The following TTC27 variants were observed in gnomAD, a reference collection of about 807,000 sequenced individuals.
TTC27 encodes tetratricopeptide repeat protein 27.
A neutral mutation model predicts 115.9 loss-of-function variants in TTC27; 79 were observed. The observed-to-expected ratio is 0.68, with a 90% confidence interval of 0.57 to 0.82. TTC27 has a LOEUF of 0.82. TTC27 is among the 40% of genes least tolerant of loss of function. The pLI is 0.00. For missense variants in TTC27, 1,054 were observed against 993.1 expected, an observed-to-expected ratio of 1.06 and a Z score of -0.82; for synonymous variants, 401 against 356.0, an observed-to-expected ratio of 1.13 and a Z score of -1.42.
intron 16 of TTC27, among the ~76,000 whole-genome samples, chr2:32,789,012 G>C (rs1486373433): frequency 6.6e-6 from 1 of 152,172 alleles, no homozygotes; most frequent in Non-Finnish European, 1.5e-5. Context: ...CACCTCAGCT[G>C]TGGGGGATAG....
In TTC27 at chr2:32,820,878, TA is replaced by T; in HGVS notation, c.2473del (p.Met825TrpfsTer4). ...GGGAATTAGCTGATGACATAACAGCTATGGACACCTTAGTGACAGAGCTCCA... is the reference window on the plus strand; with the variant it reads ...GGGAATTAGCTGATGACATAACAGCTTGGACACCTTAGTGACAGAGCTCCA... Reference protein sequence around the residue: ...SRELADDITAMDTLVTELQDL... With the variant: ...SRELADDITAXDTLVTELQDL... On this transcript the variant is annotated frameshift_variant, in exon 20 of 20. Coordinates refer to ENST00000317907, the MANE Select transcript of TTC27 (RefSeq NM_017735.5). LOFTEE classifies it high-confidence loss of function. 6.5e-7 allele frequency: 1 copy of T among 1,543,932 alleles called. No homozygotes were observed. The highest frequency in any genetic ancestry group is 8.8e-7 in the Non-Finnish European group (1 of 1,141,872).
At chr2:32,761,192 A>G (rs1326473244) in intron 13 of TTC27, among the ~76,000 whole-genome samples, 2 of 152,066 alleles carry the variant, frequency 1.3e-5, no homozygotes, top group Admixed American at 1.3e-4. Flanking sequence ...CCCTATAAAT[A>G]GCAACCCCAT....
At chr2:32,681,180 A>G (rs1362575974) in intron 9 of TTC27, among the ~76,000 whole-genome samples, 3 of 152,216 alleles carry the variant, frequency 2.0e-5, no homozygotes, top group African/African-American at 7.2e-5. Context: ...TCTTCTAAAG[A>G]GATGAGTTAA....
rs113013541 is a variant in TTC27, at chr2:32,730,169, A to T, written c.1234-3659A>T. On this transcript the variant is annotated intron_variant, in intron 10 of 19. Coordinates refer to ENST00000317907, the MANE Select transcript of TTC27 (RefSeq NM_017735.5). ...TATTTGGGCACATGGTTTGCTTCTA[A>T]TGAATGTACCTAATACTTGTGTTCG... Among the ~76,000 whole-genome samples the T allele has an allele frequency of 5.5e-3, 835 of 152,328 alleles. 15 individuals carry two copies. Among genetic ancestry groups the T allele is most frequent in the African/African-American group, 0.019 (807 of 41,576 alleles).
At position 32,704,524 on chromosome 2, in the gene TTC27, A is replaced by G. The variant is rs545143742; in HGVS notation, c.1233+1604A>G. 3.3e-5 allele frequency among the ~76,000 whole-genome samples: 5 copies of G among 152,250 alleles called. No homozygotes were observed. In the East Asian group the frequency reaches 9.7e-4, roughly 29 times the overall value. ...TTTATTTTATAAAAATTTCAAACCT[A>G]TGTAAAAGTCATAAGAACAGTACGA... On this transcript the variant is annotated intron_variant, in intron 10 of 19. Transcript: ENST00000317907.
At chr2:32,631,074 C>T (rs970907832) in intron 2 of TTC27, among the ~76,000 whole-genome samples, 38 of 152,068 alleles carry the variant, frequency 2.5e-4, no homozygotes, top group Non-Finnish European at 5.0e-4. Flanking sequence ...GAGGCCGAGG[C>T]GGGCGGATCA....
chr2:32,637,833 G>C (rs1312459065), intron 3 of TTC27, among the ~76,000 whole-genome samples: 1 of 152,120 alleles, frequency 6.6e-6, no homozygotes, highest in African/African-American at 2.4e-5. Flanking sequence ...CCTCCAGTTG[G>C]GGTTCTCACA....
chr2:32,666,154 TG>T (rs1344646848), intron 6 of TTC27, among the ~76,000 whole-genome samples: 3 of 152,080 alleles, frequency 2.0e-5, no homozygotes, highest in African/African-American at 7.2e-5. Context: ...AGAGACATAA[TG>T]AAAAAATTTT....
chr2:32,662,323 G>A (rs545880569), intron 5 of TTC27, among the ~76,000 whole-genome samples: 71 of 152,276 alleles, frequency 4.7e-4, no homozygotes, highest in Non-Finnish European at 8.7e-4. Flanking sequence ...CTATTGATTG[G>A]AATAGTTTCA....
intron 13 of TTC27, among the ~76,000 whole-genome samples, chr2:32,759,347 A>G (rs1366312285): frequency 6.6e-6 from 1 of 152,250 alleles, no homozygotes; most frequent in Non-Finnish European, 1.5e-5. Flanking sequence ...CAGGTAATTC[A>G]TTAAGCATTT....
intron 4 of TTC27, among the ~76,000 whole-genome samples, chr2:32,644,023 A>G (rs1664751554): frequency 6.6e-6 from 1 of 151,982 alleles, no homozygotes; most frequent in Admixed American, 6.6e-5. Flanking sequence ...TCTATTAAAA[A>G]TACAAAAGTT....
chr2:32,712,892 CTTTTA>C (rs1239363180), intron 10 of TTC27, among the ~76,000 whole-genome samples: 2 of 152,252 alleles, frequency 1.3e-5, no homozygotes, highest in African/African-American at 4.8e-5. Flanking sequence ...ACATCCTTTT[CTTTTA>C]TATGCTGTGG....
intron 10 of TTC27, among the ~76,000 whole-genome samples, chr2:32,722,490 CATT>C (rs1296431583): frequency 2.0e-5 from 3 of 152,080 alleles, no homozygotes; most frequent in Non-Finnish European, 2.9e-5. Context: ...AGGGAGGAGT[CATT>C]ATGTACATTT....
intron 3 of TTC27, among the ~76,000 whole-genome samples, chr2:32,639,321 G>T (rs1341676479): frequency 6.6e-6 from 1 of 152,106 alleles, no homozygotes; most frequent in African/African-American, 2.4e-5. Context: ...TTAAAATTCT[G>T]CCATCCAAAT....
In TTC27 at chr2:32,733,928, T is replaced by C; in HGVS notation, c.1329+5T>C. 4 of 1,601,826 alleles carry C rather than the reference T, an allele frequency of 2.5e-6. No individual in the cohort carries two copies. Among genetic ancestry groups the C allele is most frequent in the Non-Finnish European group, 3.4e-6 (4 of 1,171,500 alleles). On this transcript the variant is annotated splice_donor_5th_base_variant and intron_variant, in intron 11 of 19. Coordinates refer to ENST00000317907, the MANE Select transcript of TTC27 (RefSeq NM_017735.5). ...CCACCTCACTGGGCCATTCAGGTAT[T>C]TCTGTTGTTTGTCATTGGGTATGGA...
At chr2:32,808,773 G>A (rs532450490) in intron 16 of TTC27, among the ~76,000 whole-genome samples, 17 of 152,256 alleles carry the variant, frequency 1.1e-4, no homozygotes, top group African/African-American at 3.9e-4. Flanking sequence ...GCCAACTGTG[G>A]GATTCCAGAA....
intron 18 of TTC27, among the ~76,000 whole-genome samples, chr2:32,817,091 C>A (rs571421777): frequency 6.6e-6 from 1 of 151,982 alleles, no homozygotes; most frequent in African/African-American, 2.4e-5. Context: ...AGTAAATTAC[C>A]ATTCTTAAAG....
intron 8 of TTC27, among the ~76,000 whole-genome samples, chr2:32,674,856 G>T (rs187620524): frequency 1.3e-5 from 2 of 151,922 alleles, no homozygotes; most frequent in African/African-American, 4.8e-5. Context: ...TAGATATGGG[G>T]TTTCACTGTG....
chr2:32,664,074 A>G (rs1406108896), intron 5 of TTC27, among the ~76,000 whole-genome samples: 1 of 152,140 alleles, frequency 6.6e-6, no homozygotes, highest in African/African-American at 2.4e-5. Flanking sequence ...GTGTGGAATA[A>G]AGGAGATAGT....
Sources: allele counts gnomAD v4.1 joint callset (sites outside exome capture counted in the v4.1 genomes callset), GRCh38; gene constraint gnomAD v4.1.1; transcripts MANE v1.5; gene names NCBI Gene and HGNC (gene_info 2026-07-23, HGNC 2026-07-21).